Variants in ARHGAP21 observed in about 807,000 individuals in gnomAD.
ARHGAP21 encodes the protein Rho GTPase activating protein 21.
ARHGAP21 carries 38 observed loss-of-function variants against 164.6 expected under a neutral mutation model. The ratio of observed to expected loss-of-function variants is 0.23; its 90% confidence interval spans 0.18 to 0.30. The LOEUF is 0.30. Ranked by LOEUF, ARHGAP21 falls within the 10% of genes least tolerant of loss-of-function variation. The probability of loss-of-function intolerance (pLI) is 1.00; values close to 1 mark genes in which losing one functional copy is unlikely to be tolerated. For missense variants in ARHGAP21, 1,822 were observed against 2,370.7 expected (o/e 0.77, Z 4.81); for synonymous variants, 766 against 857.9 (o/e 0.89, Z 1.87).
intron 4 of ARHGAP21, among the ~76,000 whole-genome samples, chr10:24,652,812 G>A (rs1838325527): frequency 6.6e-6 from 1 of 152,174 alleles, no homozygotes; most frequent in South Asian, 2.1e-4. Context: ...ATACACTGTT[G>A]CTGAGTGTGT....
chr10:24,697,456 G>A (rs571213446), intron 2 of ARHGAP21, among the ~76,000 whole-genome samples: 9 of 152,006 alleles, frequency 5.9e-5, no homozygotes, highest in Admixed American at 3.9e-4. Flanking sequence ...GGCTCCCCTC[G>A]TTTCCTTTCA....
chr10:24,589,196 T>C, intron 25 of ARHGAP21, 75 bp downstream of exon 25: 2 of 1,290,858 alleles, frequency 1.5e-6, no homozygotes, highest in African/African-American at 1.5e-5. Flanking sequence ...AGGAATGCAT[T>C]TGTGTATCAA....
chr10:24,641,558 A>AC (rs1240073049), intron 4 of ARHGAP21, among the ~76,000 whole-genome samples: 1 of 152,224 alleles, frequency 6.6e-6, no homozygotes, highest in East Asian at 1.9e-4. Context: ...GTAAAAACAT[A>AC]CTATCTTTCT....
chr10:24,638,756 T>C lies in ARHGAP21; in HGVS notation c.269-3653A>G, dbSNP rs116067703. On this transcript the variant is annotated intron_variant, in intron 4 of 25. Coordinates refer to ENST00000396432, the MANE Select transcript of ARHGAP21 (RefSeq NM_020824.4). Reference sequence around the variant, plus strand: ...AAAGAGAGTGTGCCTTTTTGGCACATACATGCAGTTAAATCTTCCTATATT... The same window carrying C: ...AAAGAGAGTGTGCCTTTTTGGCACACACATGCAGTTAAATCTTCCTATATT... Among the ~76,000 whole-genome samples, 1,069 of 152,270 alleles carry C rather than the reference T, an allele frequency of 7.0e-3. 12 individuals carry two copies. Among genetic ancestry groups the C allele is most frequent in the African/African-American group, 0.024 (1,003 of 41,546 alleles).
chr10:24,663,936 A>G (rs1839938687), intron 4 of ARHGAP21, among the ~76,000 whole-genome samples: 1 of 152,186 alleles, frequency 6.6e-6, no homozygotes, highest in Non-Finnish European at 1.5e-5. Flanking sequence ...CAACTGTGAT[A>G]AAGATGTGTA....
Position 24,585,530 on chromosome 10 carries a change from A to C in ARHGAP21, c.4759T>G (p.Tyr1587Asp). Residue 1587 changes from tyrosine to aspartate, a missense_variant, in exon 26 of 26, where the codon TAT becomes GAT. Coordinates refer to ENST00000396432, the MANE Select transcript of ARHGAP21 (RefSeq NM_020824.4). Reference protein sequence around the residue: ...LANVSTITSDYSTTSSATYLT... With the variant: ...LANVSTITSDDSTTSSATYLT... ...TATGTAGCAGACGATGTGGTGGAAT[A>C]ATCTGAGGTGATGGTGCTGACGTTG... 6.2e-7 allele frequency: 1 copy of C among 1,614,172 alleles called. No homozygotes were observed. Among genetic ancestry groups the C allele is most frequent in the Non-Finnish European group, 8.5e-7 (1 of 1,180,032 alleles).
chr10:24,607,000 TAATATA>T (rs2077053392), intron 11 of ARHGAP21, among the ~76,000 whole-genome samples: 1 of 152,214 alleles, frequency 6.6e-6, no homozygotes. Flanking sequence ...AAATGTCTAT[TAATATA>T]GAGTATTGGT....
chr10:24,707,943 A>G (rs1844396022), intron 2 of ARHGAP21, among the ~76,000 whole-genome samples: 1 of 152,188 alleles, frequency 6.6e-6, no homozygotes. Flanking sequence ...TGACTACTCT[A>G]TAAATTCCTT....
At chr10:24,681,755 T>C (rs146299517) in intron 2 of ARHGAP21, among the ~76,000 whole-genome samples, 10 of 152,262 alleles carry the variant, frequency 6.6e-5, no homozygotes, top group African/African-American at 1.7e-4. Context: ...TAGGATGTCA[T>C]TAGCTGAGAA....
chr10:24,600,409 T>C (rs553212675), intron 14 of ARHGAP21, among the ~76,000 whole-genome samples: 1 of 152,346 alleles, frequency 6.6e-6, no homozygotes, highest in African/African-American at 2.4e-5. Context: ...TCATTGCTTC[T>C]GAGAAGGTAT....
chr10:24,617,364 T>A (rs1438865155), intron 9 of ARHGAP21, among the ~76,000 whole-genome samples: 1 of 152,210 alleles, frequency 6.6e-6, no homozygotes, highest in East Asian at 1.9e-4. Flanking sequence ...ACTGTTCTGA[T>A]AAGATCGCAT....
intron 12 of ARHGAP21, among the ~76,000 whole-genome samples, chr10:24,603,650 C>T (rs1429567806): frequency 6.6e-6 from 1 of 152,028 alleles, no homozygotes; most frequent in African/African-American, 2.4e-5. Flanking sequence ...GATAATGGTA[C>T]AAGCACAGCA....
chr10:24,604,176 G>T, intron 12 of ARHGAP21, 136 bp downstream of exon 12: 1 of 556,422 alleles, frequency 1.8e-6, no homozygotes, highest in Non-Finnish European at 2.8e-6. Context: ...AGAAAAATCA[G>T]CACAATGTGT....
intron 4 of ARHGAP21, among the ~76,000 whole-genome samples, chr10:24,647,720 G>C (rs1039811360): frequency 2.0e-5 from 3 of 152,056 alleles, no homozygotes; most frequent in African/African-American, 7.2e-5. Context: ...TGAAAACTCA[G>C]CAATAAAAGA....
chr10:24,697,556 A>T lies in ARHGAP21; in HGVS notation c.63+24281T>A, dbSNP rs1843279037. Reference sequence around the variant, plus strand: ...TTTATACAGAGCTTTATAATTTCTAATTTAAAACCTGATGAGCTGGCCAGG... The same window carrying T: ...TTTATACAGAGCTTTATAATTTCTATTTTAAAACCTGATGAGCTGGCCAGG... On this transcript the variant is annotated intron_variant, in intron 2 of 25. Transcript: ENST00000396432. 2.6e-5 allele frequency among the ~76,000 whole-genome samples: 4 copies of T among 152,070 alleles called. No homozygotes were observed. In the South Asian group the frequency reaches 8.3e-4, roughly 32 times the overall value.
At chr10:24,659,898 C>G (rs1839498131) in intron 4 of ARHGAP21, among the ~76,000 whole-genome samples, 1 of 152,240 alleles carries the variant, frequency 6.6e-6, no homozygotes, top group Non-Finnish European at 1.5e-5. Flanking sequence ...CTTAAACACT[C>G]TGCACCTTAG....
chr10:24,707,118 G>GTTCCAGT (rs1304663548), intron 2 of ARHGAP21, among the ~76,000 whole-genome samples: 1 of 152,160 alleles, frequency 6.6e-6, no homozygotes, highest in African/African-American at 2.4e-5. Flanking sequence ...GGGTACCACA[G>GTTCCAGT]TTCCAGTCTC....
chr10:24,666,776 C>G (rs942239718), intron 4 of ARHGAP21, among the ~76,000 whole-genome samples: 1 of 152,040 alleles, frequency 6.6e-6, no homozygotes, highest in African/African-American at 2.4e-5. Flanking sequence ...ACAACAAAAC[C>G]ATTACATGTT....
At chr10:24,649,091 A>G (rs1837899256) in intron 4 of ARHGAP21, among the ~76,000 whole-genome samples, 1 of 152,238 alleles carries the variant, frequency 6.6e-6, no homozygotes, top group Admixed American at 6.5e-5. Context: ...AGGAAATATT[A>G]CCCATAATAG....
Sources: allele counts gnomAD v4.1 joint callset (sites outside exome capture counted in the v4.1 genomes callset), GRCh38; gene constraint gnomAD v4.1.1; transcripts MANE v1.5; gene names NCBI Gene and HGNC (gene_info 2026-07-23, HGNC 2026-07-21).